The following RAD51 variants were observed in gnomAD, a reference collection of about 807,000 sequenced individuals.
RAD51 encodes DNA repair protein RAD51 homolog 1.
RAD51 carries 14 observed loss-of-function variants against 41.5 expected under a neutral mutation model. That is an observed-to-expected ratio of 0.34 (90% CI 0.22 to 0.53). The LOEUF is 0.53. Among genes scored for constraint, RAD51 ranks in the 20% least tolerant of loss-of-function variants. The pLI is 0.95. For synonymous variants in RAD51, 136 were observed against 148.6 expected (o/e 0.92, Z 0.62); for missense variants, 234 against 422.0 (o/e 0.55, Z 3.90).
chr15:40,718,575 A>G lies in RAD51; in HGVS notation c.436-230A>G, dbSNP rs562683316. 2.6e-5 allele frequency among the ~76,000 whole-genome samples: 4 copies of G among 152,250 alleles called. No individual in the cohort carries two copies. In the South Asian group the frequency reaches 8.3e-4, roughly 32 times the overall value. On this transcript the variant is annotated intron_variant, in intron 5 of 9. Coordinates refer to ENST00000267868, the MANE Select transcript of RAD51 (RefSeq NM_002875.5). ...CCTACTTTGGGCTATATTTCTAAGC[A>G]GTCCAGTTCTGACAGGACTAGCTGT...
chr15:40,728,694 T>C lies in RAD51; in HGVS notation c.531-17T>C. 1 of 1,603,850 alleles carries C rather than the reference T, an allele frequency of 6.2e-7. No individual in the cohort carries two copies. Among genetic ancestry groups the C allele is most frequent in the Non-Finnish European group, 8.5e-7 (1 of 1,170,958 alleles). On this transcript the variant is annotated splice_polypyrimidine_tract_variant and intron_variant, in intron 6 of 9. Transcript: ENST00000267868. ...AGTTCTGTGTGCAGCCTAAAAATGT[T>C]CTCTCCTCTCTCATAGGTATGGTCT...
At chr15:40,721,065 C>G (rs1398068460) in intron 6 of RAD51, among the ~76,000 whole-genome samples, 14 of 152,212 alleles carry the variant, frequency 9.2e-5, no homozygotes, top group Non-Finnish European at 2.1e-4. Context: ...TGCCTGTAGT[C>G]TGAGCTACTT....
At chr15:40,708,504 A>G (rs1895498491) in intron 4 of RAD51, among the ~76,000 whole-genome samples, 1 of 152,018 alleles carries the variant, frequency 6.6e-6, no homozygotes, top group African/African-American at 2.4e-5. Flanking sequence ...CTGGGATTAC[A>G]GGTGTGAGCC....
intron 3 of RAD51, chr15:40,701,742 C>T: frequency 3.9e-6 from 1 of 254,560 alleles, no homozygotes; most frequent in Non-Finnish European, 7.8e-6. Flanking sequence ...GTTTTATTGC[C>T]TTTACCCTTG....
chr15:40,724,992 C>T (rs1425808515), intron 6 of RAD51, among the ~76,000 whole-genome samples: 77 of 149,868 alleles, frequency 5.1e-4, no homozygotes, highest in Non-Finnish European at 1.3e-4. Context: ...CTCCGCTTCC[C>T]GGGTCCACGC....
chr15:40,728,556 C>G, intron 6 of RAD51, 155 bp from the exon 7 acceptor site: 2 of 752,712 alleles, frequency 2.7e-6, no homozygotes, highest in Non-Finnish European at 4.8e-6. Context: ...TTTGCCTGAA[C>G]TTCTTAATAG....
intron 9 of RAD51, 100 bp downstream of exon 9, chr15:40,730,074 G>A (rs1364563421): frequency 1.4e-6 from 2 of 1,478,982 alleles, no homozygotes; most frequent in African/African-American, 1.4e-5. Context: ...TAAAGCTACT[G>A]TTGTATAGAC....
chr15:40,716,331 GGA>G (rs1450353701), intron 5 of RAD51, among the ~76,000 whole-genome samples: 1 of 151,908 alleles, frequency 6.6e-6, no homozygotes, highest in Admixed American at 6.6e-5. Flanking sequence ...TCTGGGAGAT[GGA>G]GAGTGGTGAA....
At chr15:40,725,307 C>T (rs933618724) in intron 6 of RAD51, among the ~76,000 whole-genome samples, 5 of 152,162 alleles carry the variant, frequency 3.3e-5, no homozygotes, top group African/African-American at 1.2e-4. Context: ...GCTGAGATTA[C>T]AGGCAGGCAT....
At chr15:40,698,183 C>CTTTTT (rs34665687) in intron 1 of RAD51, among the ~76,000 whole-genome samples, 2 of 144,102 alleles carry the variant, frequency 1.4e-5, no homozygotes. Flanking sequence ...ATGAGATGAA[C>CTTTTT]TTTTTTTTTT....
At chr15:40,697,515 A>C (rs1894716796) in intron 1 of RAD51, among the ~76,000 whole-genome samples, 1 of 151,632 alleles carries the variant, frequency 6.6e-6, no homozygotes, top group Non-Finnish European at 1.5e-5. Context: ...GAAAATAATA[A>C]GTGTTACTTT....
rs1895369784 is a variant in RAD51 at position 40,706,763 on chromosome 15, C to T, written c.343+469C>T. Among the ~76,000 whole-genome samples, 2 of 151,996 alleles carry T rather than the reference C, an allele frequency of 1.3e-5. 1 individual carries two copies. The highest frequency in any genetic ancestry group is 4.1e-4 in the South Asian group (2 of 4,828). On this transcript the variant is annotated intron_variant, in intron 4 of 9. Transcript: ENST00000267868. ...GAGGTAAGACTGCTGCAAGGTAGGA[C>T]CTTATTTATAAAATACTAAACTTAT...
chr15:40,706,391 G>A, intron 4 of RAD51, 97 bp downstream of exon 4: 2 of 1,049,042 alleles, frequency 1.9e-6, no homozygotes, highest in Admixed American at 1.9e-5. Flanking sequence ...TTCCTTGTTA[G>A]ATAATGATAA....
At chr15:40,700,200 C>T (rs1206769314) in intron 2 of RAD51, among the ~76,000 whole-genome samples, 1 of 152,090 alleles carries the variant, frequency 6.6e-6, no homozygotes, top group African/African-American at 2.4e-5. Flanking sequence ...TCATGTTTTC[C>T]CAGAAGTCAT....
intron 5 of RAD51, among the ~76,000 whole-genome samples, chr15:40,713,828 G>A (rs1007019867): frequency 6.6e-6 from 1 of 151,148 alleles, no homozygotes; most frequent in Non-Finnish European, 1.5e-5. Context: ...GGATGGTCTC[G>A]ATCTCCTGAC....
chr15:40,696,428 C>G (rs1894638240), intron 1 of RAD51, among the ~76,000 whole-genome samples: 1 of 152,056 alleles, frequency 6.6e-6, no homozygotes, highest in Non-Finnish European at 1.5e-5. Context: ...GAAAAATTAG[C>G]TAGGCATGGT....
Position 40,709,378 on chromosome 15 carries a change from T to TTC in RAD51, c.435+263_435+264insCT, listed in dbSNP as rs201051338. On this transcript the variant is annotated intron_variant, in intron 5 of 9. Transcript: ENST00000267868. ...TCCTGGCTTTACTTGCTACTTTTTT[T>TTC]TTTTTTTTTTTTTTTTGAGGCAGAA... 6.8e-5 allele frequency among the ~76,000 whole-genome samples: 10 copies of TTC among 147,594 alleles called. No homozygotes were observed. In the South Asian group the frequency reaches 6.8e-4, roughly 10 times the overall value.
intron 6 of RAD51, among the ~76,000 whole-genome samples, chr15:40,720,451 A>C (rs1190186597): frequency 1.3e-5 from 2 of 152,042 alleles, no homozygotes; most frequent in African/African-American, 4.8e-5. Context: ...CACTTTCACT[A>C]TTTACATTCA....
At chr15:40,727,104 CTTTCTTT>C (rs1052321065) in intron 6 of RAD51, among the ~76,000 whole-genome samples, 18 of 151,624 alleles carry the variant, frequency 1.2e-4, no homozygotes, top group Admixed American at 8.5e-4. Flanking sequence ...GATAATCTCC[CTTTCTTT>C]TTTAATTTTT....
Sources: gnomAD v4.1 joint callset for allele counts (sites outside exome capture counted in the v4.1 genomes callset) on GRCh38, gnomAD v4.1.1 for gene constraint, MANE v1.5 for transcripts, NCBI Gene and HGNC (gene_info 2026-07-23, HGNC 2026-07-21) for gene names.